Variants in GPR137C observed in about 807,000 individuals in gnomAD.
GPR137C encodes the protein integral membrane protein GPR137C.
Under a neutral mutation model 43.4 loss-of-function variants are expected in GPR137C, and 27 were observed. The observed-to-expected ratio is 0.62, with a 90% confidence interval of 0.46 to 0.86. GPR137C has a LOEUF of 0.86. Ranked by LOEUF, GPR137C falls within the 40% of genes least tolerant of loss-of-function variation. GPR137C has a pLI of 0.00. For missense variants in GPR137C, 522 were observed against 534.6 expected (o/e 0.98, Z 0.23); for synonymous variants, 285 against 226.9 (o/e 1.26, Z -2.30).
chr14:52,600,063 T>G, intron 2 of GPR137C, 50 bp from the exon 3 acceptor site: 1 of 1,237,202 alleles, frequency 8.1e-7, no homozygotes, highest in Non-Finnish European at 1.2e-6. Flanking sequence ...AGAATTAAAT[T>G]TGATTTCTTA....
intron 3 of GPR137C, among the ~76,000 whole-genome samples, chr14:52,600,576 A>G (rs2070612415): frequency 6.6e-6 from 1 of 152,190 alleles, no homozygotes; most frequent in South Asian, 2.1e-4. Flanking sequence ...TCAACCTCCC[A>G]GGTAGCTGGG....
rs116586271 is a variant in GPR137C at position 52,599,137 on chromosome 14, G to A, written c.488+822G>A. ...GTGTTTGAACTGGGATTACGTTCGTGCAGATAGTTGTTACTGCTACTTGAT... is the reference window on the plus strand; with the variant it reads ...GTGTTTGAACTGGGATTACGTTCGTACAGATAGTTGTTACTGCTACTTGAT... On this transcript the variant is annotated intron_variant, in intron 2 of 6. Coordinates refer to ENST00000321662, the MANE Select transcript of GPR137C (RefSeq NM_001099652.2). 2.7e-3 allele frequency among the ~76,000 whole-genome samples: 414 copies of A among 152,268 alleles called. 3 individuals carry two copies. Among genetic ancestry groups the A allele is most frequent in the African/African-American group, 9.7e-3 (402 of 41,542 alleles).
chr14:52,570,361 AGGAACAACC>A (rs1407407409), intron 1 of GPR137C, among the ~76,000 whole-genome samples: 1 of 152,236 alleles, frequency 6.6e-6, no homozygotes, highest in Non-Finnish European at 1.5e-5. Context: ...AAATATGGAA[AGGAACAACC>A]GGTAGCAGCC....
At chr14:52,564,729 C>G (rs2038340554) in intron 1 of GPR137C, among the ~76,000 whole-genome samples, 1 of 151,828 alleles carries the variant, frequency 6.6e-6, no homozygotes, top group African/African-American at 2.4e-5. Flanking sequence ...GAATAAGGAC[C>G]AAGTCTGTTC....
At chr14:52,583,207 T>C (rs1449091179) in intron 1 of GPR137C, among the ~76,000 whole-genome samples, 2 of 152,202 alleles carry the variant, frequency 1.3e-5, no homozygotes, top group Non-Finnish European at 2.9e-5. Flanking sequence ...ATAAAGCATG[T>C]GTTTATTGTT....
chr14:52,598,783 C>G (rs1187260793), intron 2 of GPR137C, among the ~76,000 whole-genome samples: 5 of 152,072 alleles, frequency 3.3e-5, no homozygotes, highest in Non-Finnish European at 7.4e-5. Flanking sequence ...ATTCATGTAC[C>G]CTCTACTAGT....
At chr14:52,599,171 C>T (rs113652697) in intron 2 of GPR137C, among the ~76,000 whole-genome samples, 276 of 152,282 alleles carry the variant, frequency 1.8e-3, no homozygotes, top group African/African-American at 6.4e-3. Flanking sequence ...ATACACATAG[C>T]AGCCTTAACT....
At chr14:52,577,917 A>G (rs562434060) in intron 1 of GPR137C, among the ~76,000 whole-genome samples, 1 of 152,122 alleles carries the variant, frequency 6.6e-6, no homozygotes, top group South Asian at 2.1e-4. Context: ...GTGAACTGAG[A>G]TCGTGCCACT....
At chr14:52,582,817 A>T (rs2139487607) in intron 1 of GPR137C, among the ~76,000 whole-genome samples, 1 of 152,330 alleles carries the variant, frequency 6.6e-6, no homozygotes, top group South Asian at 2.1e-4. Flanking sequence ...ATAATTAAAA[A>T]TAATAAAATG....
chr14:52,579,108 A>T (rs369678948), intron 1 of GPR137C, among the ~76,000 whole-genome samples: 1 of 152,172 alleles, frequency 6.6e-6, no homozygotes, highest in African/African-American at 2.4e-5. Context: ...GAGAAAAAAA[A>T]ATATTCTAAT....
chr14:52,558,864 G>A (rs1328513895), intron 1 of GPR137C, among the ~76,000 whole-genome samples: 1 of 152,136 alleles, frequency 6.6e-6, no homozygotes, highest in Non-Finnish European at 1.5e-5. Context: ...AATCACTCGG[G>A]ATATAGCCCA....
intron 1 of GPR137C, chr14:52,596,864 G>T (rs1176895032): frequency 1.5e-5 from 7 of 452,178 alleles, no homozygotes; most frequent in South Asian, 6.2e-5. Flanking sequence ...GATGAACCAG[G>T]TACCTCAATT....
intron 1 of GPR137C, among the ~76,000 whole-genome samples, chr14:52,591,193 A>C (rs1030888885): frequency 1.3e-5 from 2 of 152,042 alleles, no homozygotes; most frequent in Admixed American, 6.6e-5. Flanking sequence ...AGTATTCCAT[A>C]TTGCATATGT....
chr14:52,623,273 A>T (rs574915484), intron 3 of GPR137C, among the ~76,000 whole-genome samples: 1 of 152,168 alleles, frequency 6.6e-6, no homozygotes, highest in South Asian at 2.1e-4. Context: ...TAAATCAGTG[A>T]ATTTCTGTAT....
chr14:52,612,573 C>G, intron 3 of GPR137C: 1 of 940,308 alleles, frequency 1.1e-6, no homozygotes, highest in Non-Finnish European at 1.3e-6. Context: ...ACTTTTTTTT[C>G]TTGATAGAGA....
Position 52,598,256 on chromosome 14 carries a change from T to C in GPR137C, c.445-16T>C. The C allele has an allele frequency of 3.3e-6, 4 of 1,208,316 alleles. No individual in the cohort carries two copies. The highest frequency in any genetic ancestry group is 1.7e-5 in the South Asian group (1 of 59,544). The allele number at this position is 1,208,316 out of a possible 1,614,324, so 74.8% of individuals were successfully genotyped here. A position where few individuals can be genotyped will look rare whatever the true frequency, so the allele number is the denominator to read the frequency against. ...TTACACGTTTTCAAAATTTTTTTTT[T>C]ATATTCTCTTTATAGGTTATATGTA... On this transcript the variant is annotated splice_polypyrimidine_tract_variant and intron_variant, in intron 1 of 6. Coordinates refer to ENST00000321662, the MANE Select transcript of GPR137C (RefSeq NM_001099652.2).
intron 3 of GPR137C, among the ~76,000 whole-genome samples, chr14:52,617,850 C>A (rs1356032377): frequency 6.6e-6 from 1 of 152,042 alleles, no homozygotes; most frequent in Non-Finnish European, 1.5e-5. Context: ...TCATGGGTTG[C>A]TATGAGGATA....
intron 1 of GPR137C, among the ~76,000 whole-genome samples, chr14:52,597,794 A>G (rs1302275864): frequency 6.6e-6 from 1 of 152,174 alleles, no homozygotes; most frequent in Non-Finnish European, 1.5e-5. Context: ...ACTAAATATG[A>G]TATATCCTCA....
intron 3 of GPR137C, among the ~76,000 whole-genome samples, chr14:52,605,997 A>G (rs2038979826): frequency 6.6e-6 from 1 of 152,156 alleles, no homozygotes; most frequent in Non-Finnish European, 1.5e-5. Flanking sequence ...GTTGGCCTGT[A>G]GAGTTTTTTG....
Sources: gnomAD v4.1 joint callset for allele counts (sites outside exome capture counted in the v4.1 genomes callset) on GRCh38, gnomAD v4.1.1 for gene constraint, MANE v1.5 for transcripts, NCBI Gene and HGNC (gene_info 2026-07-23, HGNC 2026-07-21) for gene names.